DSCAM: variants seen among roughly 807,000 people sequenced by gnomAD.
DSCAM encodes the protein cell adhesion molecule DSCAM.
In DSCAM, 47 loss-of-function variants were observed where a neutral mutation model predicts 217.7. The observed-to-expected ratio is 0.22, with a 90% CI of 0.17 to 0.28. The LOEUF (loss-of-function observed/expected upper bound fraction) is 0.28. DSCAM is among the 10% of genes least tolerant of loss of function. DSCAM has a pLI of 1.00. For synonymous variants in DSCAM, 1,056 were observed against 1,015.3 expected, an observed-to-expected ratio of 1.04 and a Z score of -0.76; for missense variants, 2,080 against 2,618.3, an observed-to-expected ratio of 0.79 and a Z score of 4.49.
At chr21:40,794,908 T>C (rs933875851) in intron 1 of DSCAM, among the ~76,000 whole-genome samples, 3 of 145,082 alleles carry the variant, frequency 2.1e-5, no homozygotes, top group Non-Finnish European at 4.5e-5. Flanking sequence ...AAGTACCTCT[T>C]AGTAAAGTGA....
At chr21:40,441,385 C>T (rs533227711) in intron 3 of DSCAM, among the ~76,000 whole-genome samples, 1 of 152,136 alleles carries the variant, frequency 6.6e-6, no homozygotes, top group Admixed American at 6.5e-5. Flanking sequence ...TTGTCATGTG[C>T]CTCTAACAAG....
At chr21:40,537,778 G>C (rs978823780) in intron 3 of DSCAM, among the ~76,000 whole-genome samples, 3 of 152,104 alleles carry the variant, frequency 2.0e-5, no homozygotes, top group Non-Finnish European at 4.4e-5. Context: ...AGCCTCAGAG[G>C]GAACCAGCCC....
At chr21:40,610,281 C>T (rs1157643301) in intron 3 of DSCAM, among the ~76,000 whole-genome samples, 1 of 152,198 alleles carries the variant, frequency 6.6e-6, no homozygotes, top group East Asian at 1.9e-4. Context: ...ACATTTCTCC[C>T]CTCCATCTCG....
chr21:40,238,291 G>C (rs532830919), intron 11 of DSCAM, among the ~76,000 whole-genome samples: 1 of 152,302 alleles, frequency 6.6e-6, no homozygotes, highest in South Asian at 2.1e-4. Flanking sequence ...ACGACCCTTG[G>C]ACATATTTGG....
intron 3 of DSCAM, among the ~76,000 whole-genome samples, chr21:40,540,211 C>CA (rs2076532724): frequency 6.6e-6 from 1 of 151,604 alleles, no homozygotes; most frequent in East Asian, 1.9e-4. Context: ...AAGCAGAAAG[C>CA]AAAAAAACAC....
At chr21:40,589,266 C>T (rs1314327853) in intron 3 of DSCAM, among the ~76,000 whole-genome samples, 2 of 152,262 alleles carry the variant, frequency 1.3e-5, no homozygotes, top group East Asian at 3.9e-4. Context: ...TCTATCTAAA[C>T]AAAATGAAAT....
chr21:40,198,269 G>C (rs1334447678), intron 11 of DSCAM, among the ~76,000 whole-genome samples: 1 of 152,168 alleles, frequency 6.6e-6, no homozygotes, highest in African/African-American at 2.4e-5. Context: ...CCTTCCTTCT[G>C]TGGTCTCCCT....
chr21:40,518,581 C>T (rs2076332963), intron 3 of DSCAM, among the ~76,000 whole-genome samples: 4 of 85,800 alleles, frequency 4.7e-5, no homozygotes, highest in African/African-American at 2.4e-4. Context: ...TACATACACA[C>T]ACATATACAC....
intron 16 of DSCAM, among the ~76,000 whole-genome samples, chr21:40,153,498 G>C (rs1283246174): frequency 6.6e-6 from 1 of 152,232 alleles, no homozygotes; most frequent in African/African-American, 2.4e-5. Flanking sequence ...GGAATGGAGA[G>C]AGGCTCAAGT....
chr21:40,645,182 G>A (rs1232781469), intron 3 of DSCAM, among the ~76,000 whole-genome samples: 1 of 151,962 alleles, frequency 6.6e-6, no homozygotes, highest in African/African-American at 2.4e-5. Flanking sequence ...CCTTCCTTCT[G>A]TGGTGGTTGT....
At chr21:40,646,260 C>CA (rs1321558808) in intron 3 of DSCAM, among the ~76,000 whole-genome samples, 1 of 151,922 alleles carries the variant, frequency 6.6e-6, no homozygotes, top group Non-Finnish European at 1.5e-5. Flanking sequence ...ACTAAAAATA[C>CA]AAAAATTAGC....
intron 3 of DSCAM, among the ~76,000 whole-genome samples, chr21:40,399,015 A>G (rs1423087461): frequency 6.6e-6 from 1 of 152,240 alleles, no homozygotes; most frequent in Non-Finnish European, 1.5e-5. Context: ...TTACACATGT[A>G]ATCCCAGCAT....
rs931144281 is a variant in DSCAM at position 40,012,269 on chromosome 21, G to C, written c.*765C>G. 2 of 152,306 alleles carry C rather than the reference G, an allele frequency of 1.3e-5. No homozygotes were observed. The highest frequency in any genetic ancestry group is 6.5e-5 in the Admixed American group (1 of 15,296). The allele number at this position is 152,306 out of a possible 1,614,324, so 9.4% of individuals were successfully genotyped here. Reference sequence around the variant, plus strand: ...CTGCACCTTCTTTGTGCTTCCTGGAGATTCCTGAGGAGTTCAGGGTGTTAG... The same window carrying C: ...CTGCACCTTCTTTGTGCTTCCTGGACATTCCTGAGGAGTTCAGGGTGTTAG... On this transcript the variant is annotated 3_prime_UTR_variant, in exon 33 of 33. Coordinates refer to ENST00000400454, the MANE Select transcript of DSCAM (RefSeq NM_001389.5).
rs73362168 is a variant in DSCAM at position 40,161,617 on chromosome 21, C to T, written c.3018+5601G>A. Among the ~76,000 whole-genome samples the T allele has an allele frequency of 7.6e-3, 1,159 of 152,232 alleles. 18 individuals are homozygous for T. The highest frequency in any genetic ancestry group is 0.027 in the African/African-American group (1,115 of 41,524). On this transcript the variant is annotated intron_variant, in intron 16 of 32. Coordinates refer to ENST00000400454, the MANE Select transcript of DSCAM (RefSeq NM_001389.5). ...TGAGAAAGAACAATCTTACTTTATA[C>T]GGATGACCAGAGATTTTGAAATTTT... is the stretch of plus-strand genomic sequence containing the variant.
At chr21:40,490,181 C>G (rs1421323696) in intron 3 of DSCAM, among the ~76,000 whole-genome samples, 2 of 152,068 alleles carry the variant, frequency 1.3e-5, no homozygotes, top group African/African-American at 4.8e-5. Context: ...CAGGAAAGAC[C>G]CACCCCCATG....
At chr21:40,455,143 C>A (rs2075752922) in intron 3 of DSCAM, among the ~76,000 whole-genome samples, 1 of 152,072 alleles carries the variant, frequency 6.6e-6, no homozygotes. Context: ...AAGCTCCCAG[C>A]ATGGGATTGA....
chr21:40,312,231 G>T lies in DSCAM; in HGVS notation c.1912C>A (p.Pro638Thr). The part of the protein sequence containing the change: ...ITWQKDGRPI[P>T]GSLGVTIDNI... ...TCAATGGTCACCCCAAGGCTCCCAG[G>T]GATTGGCCGGCCATCCTTCTGCCAG... Residue 638 changes from proline to threonine, a missense_variant, in exon 9 of 33, where the codon CCT becomes ACT. Transcript: ENST00000400454. 1.9e-6 allele frequency: 3 copies of T among 1,614,072 alleles called. No homozygotes were observed. Among genetic ancestry groups the T allele is most frequent in the Non-Finnish European group, 8.5e-7 (1 of 1,180,018 alleles).
chr21:40,225,480 C>T (rs942414114), intron 11 of DSCAM, among the ~76,000 whole-genome samples: 3 of 152,148 alleles, frequency 2.0e-5, no homozygotes, highest in African/African-American at 7.2e-5. Flanking sequence ...TTTAAGCCTT[C>T]TCTATCTTCA....
At chr21:40,061,394 C>T (rs2089117157) in intron 28 of DSCAM, among the ~76,000 whole-genome samples, 2 of 151,886 alleles carry the variant, frequency 1.3e-5, no homozygotes, top group South Asian at 2.1e-4. Flanking sequence ...CATGGTGAAA[C>T]TCTGTCTCTA....
Sources: gnomAD v4.1 joint callset for allele counts (sites outside exome capture counted in the v4.1 genomes callset) on GRCh38, gnomAD v4.1.1 for gene constraint, MANE v1.5 for transcripts, NCBI Gene and HGNC (gene_info 2026-07-23, HGNC 2026-07-21) for gene names.